The following ATP6V0C variants were observed in gnomAD, a reference collection of about 807,000 sequenced individuals.
The protein encoded by ATP6V0C is V-type proton ATPase 16 kDa proteolipid subunit c.
ATP6V0C carries 2 observed loss-of-function variants against 10.6 expected under a neutral mutation model. The observed-to-expected ratio is 0.19, with a 90% confidence interval of 0.08 to 0.59. The LOEUF (loss-of-function observed/expected upper bound fraction) is 0.59, where lower values mean the gene tolerates loss of function less well. ATP6V0C is among the 20% of genes least tolerant of loss of function. ATP6V0C has a pLI of 0.90. For synonymous variants in ATP6V0C, 128 were observed against 101.3 expected, an observed-to-expected ratio of 1.26 and a Z score of -1.59; for missense variants, 89 against 225.9, an observed-to-expected ratio of 0.39 and a Z score of 3.88.
intron 1 of ATP6V0C, chr16:2,517,639 A>G (rs79586140): frequency 6.6e-6 from 1 of 152,210 alleles, no homozygotes; most frequent in Non-Finnish European, 1.5e-5. Flanking sequence ...TCAATAAAAT[A>G]TGAAGAGGAA....
rs892959425 is a variant in ATP6V0C, at chr16:2,514,060, C to T, written c.-44C>T. ...GGCCCGTCCTCGCCCCCGCCTCCGC[C>T]ACCGCCTCGGCCCGCAGAGCTTGCC... On this transcript the variant is annotated 5_prime_UTR_variant, in exon 1 of 3. Coordinates refer to ENST00000330398, the MANE Select transcript of ATP6V0C (RefSeq NM_001694.4). 6 of 1,526,488 alleles carry T rather than the reference C, an allele frequency of 3.9e-6. No individual in the cohort carries two copies. The African/African-American group carries it at 8.6e-5, about 22-fold the overall frequency. The allele number at this position is 1,526,488 out of a possible 1,614,324, so 94.6% of individuals were successfully genotyped here.
Position 2,519,639 on chromosome 16 carries a change from C to T in ATP6V0C, c.362C>T (p.Thr121Ile). 2 of 1,608,028 alleles carry T rather than the reference C, an allele frequency of 1.2e-6. No individual in the cohort carries two copies. The highest frequency in any genetic ancestry group is 1.7e-6 in the Non-Finnish European group (2 of 1,175,488). ...GIVGDAGVRG[T>I]AQQPRLFVGM... ...GTGGGGGACGCTGGCGTGCGGGGCA[C>T]CGCCCAGCAGCCCCGACTATTCGTG... The change falls in exon 3 of 3, where the codon ACC becomes ATC. Residue 121 changes from threonine (T) to isoleucine (I), a missense_variant. Transcript: ENST00000330398.
intron 1 of ATP6V0C, among the ~76,000 whole-genome samples, chr16:2,518,359 G>A (rs561652381): frequency 6.6e-6 from 1 of 152,248 alleles, no homozygotes; most frequent in Non-Finnish European, 1.5e-5. Context: ...AGGCCACCCT[G>A]GAGCCCAGCC....
rs944837963 is a variant in ATP6V0C, at chr16:2,519,897, C to G, written c.*152C>G. 4 of 1,136,270 alleles carry G rather than the reference C, an allele frequency of 3.5e-6. No individual in the cohort carries two copies. Among genetic ancestry groups the G allele is most frequent in the Admixed American group, 2.0e-5 (1 of 50,752 alleles). The allele number at this position is 1,136,270 out of a possible 1,614,324, so 70.4% of individuals were successfully genotyped here. On this transcript the variant is annotated 3_prime_UTR_variant, in exon 3 of 3. Coordinates refer to ENST00000330398, the MANE Select transcript of ATP6V0C (RefSeq NM_001694.4). ...GTCCTAGTGCCCATCGTCTGTTTCC[C>G]CGGCCTTGCCCCCGCCCGCCCCGTG...
chr16:2,519,482 A>G, intron 2 of ATP6V0C, 59 bp from the exon 3 acceptor site: 1 of 1,549,154 alleles, frequency 6.5e-7, no homozygotes, highest in South Asian at 1.2e-5. Context: ...GGTGACCCGG[A>G]CCCTTGTCTC....
intron 1 of ATP6V0C, chr16:2,518,858 C>T (rs903159693): frequency 1.6e-4 from 39 of 250,024 alleles, no homozygotes; most frequent in Non-Finnish European, 2.6e-4. Context: ...TGACCCTGAC[C>T]CCACATGGGG....
At chr16:2,516,127 C>T (rs995579966) in intron 1 of ATP6V0C, among the ~76,000 whole-genome samples, 4 of 146,288 alleles carry the variant, frequency 2.7e-5, no homozygotes, top group South Asian at 2.2e-4. Context: ...TTTCTCCCCT[C>T]CTCAAGACAG....
chr16:2,518,681 C>T (rs999317448), intron 1 of ATP6V0C, among the ~76,000 whole-genome samples: 33 of 152,188 alleles, frequency 2.2e-4, no homozygotes, highest in African/African-American at 7.5e-4. Flanking sequence ...CGTTGGGGAG[C>T]TTGGCCTGGG....
rs1265393007 is a variant in ATP6V0C at position 2,514,000 on chromosome 16, C to T, written c.-104C>T. 6 of 1,069,728 alleles carry T rather than the reference C, an allele frequency of 5.6e-6. No individual in the cohort carries two copies. The highest frequency in any genetic ancestry group is 3.0e-5 in the East Asian group (1 of 33,686). The allele number at this position is 1,069,728 out of a possible 1,614,324, so 66.3% of individuals were successfully genotyped here. A position where few individuals can be genotyped will look rare whatever the true frequency, so the allele number is the denominator to read the frequency against. ...GCGCAGCGGCTGACGGGCCGGATCG[C>T]CTTCGCCGCCGCCCGCCCGCAAACC... is the stretch of plus-strand genomic sequence containing the variant. On this transcript the variant is annotated 5_prime_UTR_variant, in exon 1 of 3. Transcript: ENST00000330398.
chr16:2,520,197 C>T lies in ATP6V0C; in HGVS notation c.*452C>T. On this transcript the variant is annotated 3_prime_UTR_variant, in exon 3 of 3. Transcript: ENST00000330398. Reference sequence around the variant, plus strand: ...CCCGTGGCCCTGCGCGGAGCTGTGTCCAATAAAGTTCTTGGATGTGACGGG... The same window carrying T: ...CCCGTGGCCCTGCGCGGAGCTGTGTTCAATAAAGTTCTTGGATGTGACGGG... The T allele has an allele frequency of 2.1e-6, 1 of 474,844 alleles. No homozygotes were observed. Among genetic ancestry groups the T allele is most frequent in the Non-Finnish European group, 3.8e-6 (1 of 264,414 alleles). 29.4% of individuals were successfully genotyped at this position (474,844 alleles called of 1,614,324 possible).
intron 1 of ATP6V0C, among the ~76,000 whole-genome samples, chr16:2,515,711 C>T (rs988213193): frequency 6.6e-6 from 1 of 152,186 alleles, no homozygotes; most frequent in Non-Finnish European, 1.5e-5. Context: ...GCCTGGCCAC[C>T]TGTGGGGTAT....
intron 1 of ATP6V0C, 187 bp from the exon 2 acceptor site, chr16:2,519,031 C>T: frequency 1.7e-6 from 1 of 601,480 alleles, no homozygotes; most frequent in South Asian, 2.3e-5. Flanking sequence ...CTGTCCTGGC[C>T]TCCTTTTGCT....
intron 1 of ATP6V0C, among the ~76,000 whole-genome samples, chr16:2,514,616 G>A (rs1474411446): frequency 6.6e-6 from 1 of 152,164 alleles, no homozygotes; most frequent in Non-Finnish European, 1.5e-5. Flanking sequence ...TCCGGCCCAG[G>A]AACGCCCAGC....
At chr16:2,515,050 C>T (rs1174389653) in intron 1 of ATP6V0C, among the ~76,000 whole-genome samples, 2 of 152,028 alleles carry the variant, frequency 1.3e-5, no homozygotes, top group Admixed American at 6.5e-5. Flanking sequence ...AATGACCTTC[C>T]TTTCCCTCCC....
At chr16:2,516,770 G>A (rs2065879049) in intron 1 of ATP6V0C, 1 of 152,512 alleles carries the variant, frequency 6.6e-6, no homozygotes, top group Admixed American at 6.5e-5. Context: ...TTTTATGCTT[G>A]TGTTTCTGCA....
intron 1 of ATP6V0C, chr16:2,517,772 T>G (rs2065884707): frequency 6.6e-6 from 1 of 151,292 alleles, no homozygotes; most frequent in African/African-American, 2.4e-5. Flanking sequence ...AGATTCACTC[T>G]TGTTGTTTGT....
chr16:2,517,377 C>G (rs1230307112), intron 1 of ATP6V0C: 1 of 152,340 alleles, frequency 6.6e-6, no homozygotes, highest in Non-Finnish European at 1.5e-5. Context: ...TCTATAGTCA[C>G]TCCCTGGATA....
upstream of ATP6V0C, chr16:2,513,840 A>C: frequency 2.6e-5 from 7 of 268,106 alleles, no homozygotes; most frequent in Non-Finnish European, 4.3e-5. Context: ...AGCCCGGGGG[A>C]GGTCAACGGG....
In ATP6V0C at chr16:2,514,075, C is replaced by T. The variant is rs756538566; in HGVS notation, c.-29C>T. The T allele has an allele frequency of 8.4e-6, 13 of 1,550,492 alleles. No individual in the cohort carries two copies. In the South Asian group the frequency reaches 1.4e-4, roughly 17 times the overall value. On this transcript the variant is annotated 5_prime_UTR_variant, in exon 1 of 3. Transcript: ENST00000330398. ...CCGCCTCCGCCACCGCCTCGGCCCG[C>T]AGAGCTTGCCCCCTCCCCACCCGCA...
Sources: allele counts gnomAD v4.1 joint callset (sites outside exome capture counted in the v4.1 genomes callset), GRCh38; gene constraint gnomAD v4.1.1; transcripts MANE v1.5; gene names NCBI Gene and HGNC (gene_info 2026-07-23, HGNC 2026-07-21).